The following MEGF10 variants were observed in gnomAD, a reference collection of about 807,000 sequenced individuals.
The protein encoded by MEGF10 is multiple EGF like domains 10, also known as multiple epidermal growth factor-like domains protein 10.
Under a neutral mutation model 147.5 loss-of-function variants are expected in MEGF10, and 86 were observed. The ratio of observed to expected loss-of-function variants is 0.58; its 90% CI spans 0.49 to 0.70. MEGF10 has a LOEUF of 0.70. MEGF10 is among the 30% of genes least tolerant of loss of function. The pLI is 0.00. For synonymous variants in MEGF10, 478 were observed against 525.5 expected (o/e 0.91, Z 1.24); for missense variants, 1,329 against 1,487.3 (o/e 0.89, Z 1.75).
chr5:127,230,429 G>T, the MEGF10 span, among the ~76,000 whole-genome samples: 7 of 152,244 alleles, frequency 4.6e-5, no homozygotes, highest in South Asian at 2.1e-4. Flanking sequence ...GGAAGGCAGA[G>T]AGGTCCAGGA....
chr5:127,315,512 A>G (rs1760507509), intron 1 of MEGF10, among the ~76,000 whole-genome samples: 1 of 152,202 alleles, frequency 6.6e-6, no homozygotes, highest in East Asian at 1.9e-4. Flanking sequence ...GTGGTGGCCC[A>G]TGGCTGTAAT....
At chr5:127,438,652 C>A in intron 17 of MEGF10, 85 bp downstream of exon 17, 1 of 1,471,572 alleles carries the variant, frequency 6.8e-7, no homozygotes, top group Admixed American at 1.9e-5. Context: ...GTGACTGGAG[C>A]TCAACAAAGG....
At chr5:127,296,353 T>C (rs1334543054) in intron 1 of MEGF10, among the ~76,000 whole-genome samples, 3 of 152,214 alleles carry the variant, frequency 2.0e-5, no homozygotes, top group Non-Finnish European at 1.5e-5. Context: ...TCATTTCTAG[T>C]GATTTATACT....
At chr5:127,441,978 G>GT (rs1765773645) in intron 18 of MEGF10, among the ~76,000 whole-genome samples, 1 of 152,170 alleles carries the variant, frequency 6.6e-6, no homozygotes, top group African/African-American at 2.4e-5. Context: ...TTGCATCACT[G>GT]TTTCATTGAG....
chr5:127,382,639 A>G (rs1763301086), intron 5 of MEGF10, among the ~76,000 whole-genome samples: 1 of 152,214 alleles, frequency 6.6e-6, no homozygotes, highest in South Asian at 2.1e-4. Context: ...AAGACAGAAG[A>G]TACTATATGC....
chr5:127,247,395 GAAGAAGAAGAAGAAGA>G, the MEGF10 span, among the ~76,000 whole-genome samples: 1 of 41,872 alleles, frequency 2.4e-5, no homozygotes, highest in Non-Finnish European at 4.8e-5. Context: ...AGAAGAAGAA[GAAGAAGAAGAAGAAGA>G]AGAAGAAGAA....
At chr5:127,351,265 T>G (rs1296511302) in intron 4 of MEGF10, among the ~76,000 whole-genome samples, 1 of 152,182 alleles carries the variant, frequency 6.6e-6, no homozygotes, top group Non-Finnish European at 1.5e-5. Context: ...AATAAATCAT[T>G]CATAGTCCTG....
At chr5:127,247,471 A>G in the MEGF10 span, among the ~76,000 whole-genome samples, 443 of 145,726 alleles carry the variant, frequency 3.0e-3, 33 homozygotes, top group African/African-American at 0.011. Flanking sequence ...GAAGAAGAAG[A>G]AGAAGAAGAA....
chr5:127,422,259 G>A (rs1386627564), intron 12 of MEGF10, among the ~76,000 whole-genome samples: 2 of 152,188 alleles, frequency 1.3e-5, no homozygotes, highest in East Asian at 1.9e-4. Context: ...GGTGGCTCAC[G>A]CCTGTAATCC....
chr5:127,334,673 T>C (rs1000091782), intron 2 of MEGF10, among the ~76,000 whole-genome samples: 1 of 152,188 alleles, frequency 6.6e-6, no homozygotes, highest in Non-Finnish European at 1.5e-5. Flanking sequence ...TGAATAACTC[T>C]AGAAATTATC....
At chr5:127,338,011 C>G (rs954396203) in intron 2 of MEGF10, among the ~76,000 whole-genome samples, 4 of 152,062 alleles carry the variant, frequency 2.6e-5, no homozygotes, top group Non-Finnish European at 2.9e-5. Context: ...CTATTGAAGC[C>G]TGATACATAA....
rs140374526 is a variant in MEGF10 at position 127,325,134 on chromosome 5, G to T, written c.-18-6157G>T. On this transcript the variant is annotated intron_variant, in intron 1 of 24. Coordinates refer to ENST00000503335, the MANE Select transcript of MEGF10 (RefSeq NM_001256545.2). Reference sequence around the variant, plus strand: ...GTGAGGTGCCACTCAGTGATTTCTAGTTTCCTTTCTTTTTCAAGTCCCTGC... The same window carrying T: ...GTGAGGTGCCACTCAGTGATTTCTATTTTCCTTTCTTTTTCAAGTCCCTGC... Among the ~76,000 whole-genome samples the T allele has an allele frequency of 1.9e-3, 287 of 152,246 alleles. 3 individuals are homozygous for T. Among genetic ancestry groups the T allele is most frequent in the African/African-American group, 6.6e-3 (273 of 41,562 alleles).
chr5:127,407,705 G>T (rs1764386606), intron 8 of MEGF10, among the ~76,000 whole-genome samples: 2 of 152,052 alleles, frequency 1.3e-5, no homozygotes, highest in African/African-American at 4.8e-5. Context: ...CAGCATTAAG[G>T]GCATAAAATT....
upstream of MEGF10, among the ~76,000 whole-genome samples, chr5:127,286,688 T>C (rs12658126): frequency 0.014 from 2,114 of 150,854 alleles, 57 homozygotes; most frequent in East Asian, 0.092. Context: ...AAGAGAAAAA[T>C]AAATCTAATG....
intron 5 of MEGF10, among the ~76,000 whole-genome samples, chr5:127,377,389 C>T (rs532057046): frequency 2.8e-4 from 43 of 152,288 alleles, no homozygotes; most frequent in South Asian, 1.0e-3. Flanking sequence ...GCTTGTCCCT[C>T]GGGCTCTTTG....
At chr5:127,337,939 T>C (rs1761529019) in intron 2 of MEGF10, among the ~76,000 whole-genome samples, 1 of 152,096 alleles carries the variant, frequency 6.6e-6, no homozygotes, top group Non-Finnish European at 1.5e-5. Flanking sequence ...AGAAATAAAT[T>C]GCAATATTCC....
chr5:127,405,165 G>C (rs1228038919), intron 8 of MEGF10, among the ~76,000 whole-genome samples: 1 of 152,108 alleles, frequency 6.6e-6, no homozygotes, highest in Non-Finnish European at 1.5e-5. Flanking sequence ...GTGATTATCA[G>C]TTTGAGTGCT....
the MEGF10 span, among the ~76,000 whole-genome samples, chr5:127,247,007 T>TAG: frequency 5.3e-5 from 7 of 133,108 alleles, no homozygotes; most frequent in African/African-American, 1.2e-4. Context: ...TATATATATA[T>TAG]AGACACACCA....
chr5:127,236,624 C>T, the MEGF10 span, among the ~76,000 whole-genome samples: 5 of 152,350 alleles, frequency 3.3e-5, 1 homozygote, highest in African/African-American at 2.4e-5. Flanking sequence ...CCCTCTCCCA[C>T]TATTCCATGC....
Sources: gnomAD v4.1 joint callset for allele counts (sites outside exome capture counted in the v4.1 genomes callset) on GRCh38, gnomAD v4.1.1 for gene constraint, MANE v1.5 for transcripts, NCBI Gene and HGNC (gene_info 2026-07-23, HGNC 2026-07-21) for gene names.